Variants in THBS2 observed in about 807,000 individuals in gnomAD.
THBS2 encodes thrombospondin-2.
In THBS2, 47 loss-of-function variants were observed where a neutral mutation model predicts 135.2. That is an observed-to-expected ratio of 0.35 (90% CI 0.28 to 0.44). THBS2 has a LOEUF of 0.44. Ranked by LOEUF, THBS2 falls within the 20% of genes least tolerant of loss-of-function variation. The pLI is 1.00. For missense variants in THBS2, 1,288 were observed against 1,603.1 expected, an observed-to-expected ratio of 0.80 and a Z score of 3.36; for synonymous variants, 639 against 633.8, an observed-to-expected ratio of 1.01 and a Z score of -0.12.
chr6:169,242,577 CCCCCAAATTCCCACCTTCCCACA>C (rs1780350113), intron 4 of THBS2, among the ~76,000 whole-genome samples: 2 of 121,588 alleles, frequency 1.6e-5, no homozygotes, highest in Admixed American at 8.6e-5. Flanking sequence ...TTCCCACCTT[CCCCCAAATTCCCACCTTCCCACA>C]TTCCCACCTT....
rs1779172862 is a variant in THBS2 at position 169,216,411 on chromosome 6, A to T, written c.*1411T>A. 1 of 143,138 alleles carries T rather than the reference A, an allele frequency of 7.0e-6. No homozygotes were observed. The highest frequency in any genetic ancestry group is 1.5e-5 in the Non-Finnish European group (1 of 65,196). 8.9% of individuals were successfully genotyped at this position (143,138 alleles called of 1,614,324 possible). A position where few individuals can be genotyped will look rare whatever the true frequency, so the allele number is the denominator to read the frequency against. The stretch of plus-strand genomic sequence containing the variant: ...CAGAAAGATCATGCAACTTAAAGCA[A>T]AAAAACAAACCAACCAACAAAAAAA... On this transcript the variant is annotated 3_prime_UTR_variant, in exon 22 of 22. Transcript: ENST00000617924.
chr6:169,242,174 C>T (rs1056379062), intron 4 of THBS2, among the ~76,000 whole-genome samples: 1 of 152,120 alleles, frequency 6.6e-6, no homozygotes, highest in African/African-American at 2.4e-5. Flanking sequence ...ACACCAGGAA[C>T]AGCAGGGACA....
rs753968295 is a variant in THBS2 at position 169,248,533 on chromosome 6, C to G, written c.493G>C (p.Val165Leu). The change falls in exon 3 of 22, where the codon GTG becomes CTG. Residue 165 changes from valine to leucine, a missense_variant. Val to Leu is a conservative substitution (Grantham distance 32, BLOSUM62 1). Around this residue, in one of 2 missense-constraint regions of THBS2, gnomAD observed 414 missense variants for 447.0 expected, o/e 0.93. Transcript: ENST00000617924. The part of the protein sequence containing the change: ...QVAGETYSLH[V>L]GCDLIDSFAL... ...AAGCTGTCTATGAGGTCGCAGCCCA[C>G]GTGCAAGCTGTAGGTCTCGCCAGCC... 2 of 1,614,014 alleles carry G rather than the reference C, an allele frequency of 1.2e-6. No homozygotes were observed. The highest frequency in any genetic ancestry group is 2.2e-5 in the East Asian group (1 of 44,852).
intron 1 of THBS2, among the ~76,000 whole-genome samples, chr6:169,253,131 G>A (rs1045254481): frequency 1.4e-4 from 22 of 152,150 alleles, no homozygotes; most frequent in African/African-American, 4.1e-4. Context: ...CTCTAGTTAT[G>A]TTCAAAACCA....
chr6:169,242,148 G>C (rs62435217), intron 4 of THBS2, among the ~76,000 whole-genome samples, 190 bp from the exon 5 acceptor site: 1 of 152,020 alleles, frequency 6.6e-6, no homozygotes, highest in Non-Finnish European at 1.5e-5. Flanking sequence ...CTCCCAGAGT[G>C]GCCTGGTGCT....
At chr6:169,242,446 C>G (rs1295282799) in intron 4 of THBS2, among the ~76,000 whole-genome samples, 1 of 151,990 alleles carries the variant, frequency 6.6e-6, no homozygotes, top group Non-Finnish European at 1.5e-5. Context: ...CCCAAACACC[C>G]TTTCTTATGG....
At chr6:169,224,391 TC>T (rs1458747337) in intron 17 of THBS2, among the ~76,000 whole-genome samples, 1 of 152,132 alleles carries the variant, frequency 6.6e-6, no homozygotes, top group Non-Finnish European at 1.5e-5. Context: ...GCTCACTCCA[TC>T]CCTTCATGCT....
At chr6:169,245,959 T>C (rs1780541659) in intron 4 of THBS2, 1 of 372,404 alleles carries the variant, frequency 2.7e-6, no homozygotes, top group Non-Finnish European at 4.9e-6. Flanking sequence ...ATAAAATTAT[T>C]TGGATGATTA....
chr6:169,236,512 C>T (rs371329650), intron 9 of THBS2, among the ~76,000 whole-genome samples: 4 of 128,900 alleles, frequency 3.1e-5, no homozygotes, highest in East Asian at 2.9e-4. Flanking sequence ...CTCCCATCTA[C>T]ACTCACTCCC....
intron 6 of THBS2, 78 bp from the exon 7 acceptor site, chr6:169,239,773 G>T: frequency 2.7e-6 from 3 of 1,097,352 alleles, no homozygotes; most frequent in Non-Finnish European, 4.1e-6. Context: ...GACTAGAAGG[G>T]GTCGACAGAA....
At chr6:169,250,899 A>G (rs901895190) in intron 1 of THBS2, 93 bp from the exon 2 acceptor site, 1 of 770,052 alleles carries the variant, frequency 1.3e-6, no homozygotes, top group Non-Finnish European at 2.0e-6. Context: ...TGACCATTGA[A>G]TAACAGTTTG....
rs760926840 is a variant in THBS2, at chr6:169,248,903, G to A, written c.123C>T (p.Gly41=). 9.9e-6 allele frequency: 16 copies of A among 1,613,598 alleles called. No individual in the cohort carries two copies. Among genetic ancestry groups the A allele is most frequent in the Admixed American group, 3.3e-5 (2 of 60,000 alleles). The part of the protein sequence containing the change: ...SISNINRKTI[G]AKQFRGPDPG... ...GGTCGGGCCCGCGGAACTGCTTGGC[G>A]CCAATGGTCTTGCGGTTGATGTTGC... Residue 41 remains glycine (G), a synonymous_variant, in exon 3 of 22, where the codon GGC becomes GGT. Coordinates refer to ENST00000617924, the MANE Select transcript of THBS2 (RefSeq NM_003247.5).
chr6:169,218,873 G>A (rs897391922), intron 21 of THBS2, among the ~76,000 whole-genome samples: 1 of 150,568 alleles, frequency 6.6e-6, no homozygotes, highest in Non-Finnish European at 1.5e-5. Flanking sequence ...AGTGCTGGGT[G>A]GATGGATGGA....
In THBS2 at chr6:169,237,344, G is replaced by A. The variant is rs369982225; in HGVS notation, c.1303C>T (p.Arg435Trp). 1.5e-5 allele frequency: 25 copies of A among 1,613,030 alleles called. No homozygotes were observed. In the East Asian group the frequency reaches 2.2e-4, roughly 14 times the overall value. ...CSLSKCDTRI[R>W]QDGGWSHWSP... ...CAGTGGCTCCAGCCGCCGTCCTGCC[G>A]GACTAACACAAGAAGCGGAGAGAGA... Residue 435 changes from arginine to tryptophan, a missense_variant and splice_region_variant, in exon 9 of 22, where the codon CGG (arginine) becomes TGG (tryptophan). Transcript: ENST00000617924.
At chr6:169,242,556 CTG>C in intron 4 of THBS2, among the ~76,000 whole-genome samples, 1 of 150,598 alleles carries the variant, frequency 6.6e-6, no homozygotes, top group Admixed American at 6.6e-5. Context: ...CACCTTCCCA[CTG>C]CTCCTAACTT....
At position 169,234,642 on chromosome 6, in the gene THBS2, CTG is replaced by C. The variant is rs970394181; in HGVS notation, c.1651+90_1651+91del. The C allele has an allele frequency of 1.2e-5, 15 of 1,280,768 alleles. No homozygotes were observed. In the East Asian group the frequency reaches 2.2e-4, roughly 19 times the overall value. The allele number at this position is 1,280,768 out of a possible 1,614,324, so 79.3% of individuals were successfully genotyped here. ...TGCAACTAAAATTGATTTTTCTTTT[CTG>C]TGTTTTTCATCTAGTTTCCCAAAGC... is the stretch of plus-strand genomic sequence containing the variant. On this transcript the variant is annotated intron_variant, in intron 10 of 21. Coordinates refer to ENST00000617924, the MANE Select transcript of THBS2 (RefSeq NM_003247.5).
At position 169,223,493 on chromosome 6, in the gene THBS2, GCAAAAA is replaced by G. The variant is rs770270953; in HGVS notation, c.2774-24_2774-19del. On this transcript the variant is annotated intron_variant, in intron 17 of 21. Coordinates refer to ENST00000617924, the MANE Select transcript of THBS2 (RefSeq NM_003247.5). ...TCCATCACCTATGCACAAAGAACAA[GCAAAAA>G]CAAAAACAAAAACAAAGAAGCAAAG... is the stretch of plus-strand genomic sequence containing the variant. The G allele has an allele frequency of 7.2e-5, 116 of 1,600,028 alleles. No individual in the cohort carries two copies. Among genetic ancestry groups the G allele is most frequent in the East Asian group, 4.3e-4 (19 of 44,636 alleles).
intron 10 of THBS2, chr6:169,234,498 T>G (rs1289354716): frequency 6.4e-6 from 3 of 468,526 alleles, no homozygotes; most frequent in Admixed American, 4.1e-5. Context: ...ACACACCACA[T>G]TCCACGCCAC....
At chr6:169,228,780 C>T (rs796233309) in intron 14 of THBS2, among the ~76,000 whole-genome samples, 7 of 151,770 alleles carry the variant, frequency 4.6e-5, no homozygotes, top group African/African-American at 1.7e-4. Flanking sequence ...AAAAATGAGC[C>T]GGGCGTGGTG....
Sources: gnomAD v4.1 joint callset for allele counts (sites outside exome capture counted in the v4.1 genomes callset) on GRCh38, gnomAD v4.1.1 for gene constraint, gnomAD v4.1.1 regional missense constraint, MANE v1.5 for transcripts, NCBI Gene and HGNC (gene_info 2026-07-23, HGNC 2026-07-21) for gene names.